Variants in EIF2AK2 observed in about 807,000 individuals in gnomAD.
The protein encoded by EIF2AK2 is interferon-induced, double-stranded RNA-activated protein kinase.
EIF2AK2 carries 40 observed loss-of-function variants against 70.5 expected under a neutral mutation model. The ratio of observed to expected loss-of-function variants is 0.57; its 90% CI spans 0.44 to 0.74. EIF2AK2 has a LOEUF of 0.74. Among genes scored for constraint, EIF2AK2 ranks in the 30% least tolerant of loss-of-function variants. EIF2AK2 has a pLI of 0.00. For synonymous variants in EIF2AK2, 198 were observed against 220.9 expected (o/e 0.90, Z 0.92); for missense variants, 555 against 644.3 (o/e 0.86, Z 1.50).
chr2:37,154,191 G>A (rs1675841458), intron 1 of EIF2AK2, among the ~76,000 whole-genome samples: 1 of 152,120 alleles, frequency 6.6e-6, no homozygotes, highest in East Asian at 1.9e-4. Context: ...CCGGGGTGGT[G>A]GCACATGCCT....
At chr2:37,153,647 G>A (rs1177517475) in intron 1 of EIF2AK2, among the ~76,000 whole-genome samples, 1 of 152,024 alleles carries the variant, frequency 6.6e-6, no homozygotes, top group Non-Finnish European at 1.5e-5. Flanking sequence ...CTATGTTGTA[G>A]CATATGTCAG....
intron 1 of EIF2AK2, 41 bp from the exon 2 acceptor site, chr2:37,149,064 G>A (rs1178412628): frequency 2.0e-6 from 2 of 993,528 alleles, no homozygotes; most frequent in Non-Finnish European, 3.3e-6. Context: ...AAATGCAACC[G>A]CTGGTTCAGA....
chr2:37,109,274 T>C lies in EIF2AK2; in HGVS notation c.1399A>G (p.Lys467Glu). ...PEQISSQDYG[K>E]EVDLYALGLI... ...CCCAAAGCGTAGAGGTCCACTTCCT[T>C]TCCATAGTCTTGCGAAGAAATCTAA... The change falls in exon 15 of 17, where the codon AAG (lysine) becomes GAG (glutamate). Residue 467 changes from lysine (K) to glutamate (E), a missense_variant. Physicochemically the swap from Lys to Glu is moderately conservative, Grantham distance 56. Coordinates refer to ENST00000233057, the MANE Select transcript of EIF2AK2 (RefSeq NM_001135651.3). 5 of 1,614,106 alleles carry C rather than the reference T, an allele frequency of 3.1e-6. No individual in the cohort carries two copies. The highest frequency in any genetic ancestry group is 4.2e-6 in the Non-Finnish European group (5 of 1,179,990).
At chr2:37,115,950 G>GT (rs1674326799) in intron 13 of EIF2AK2, among the ~76,000 whole-genome samples, 2 of 152,212 alleles carry the variant, frequency 1.3e-5, no homozygotes. Flanking sequence ...AGGATGGAGT[G>GT]TAGTGGCATG....
chr2:37,115,129 G>A (rs1674292162), intron 13 of EIF2AK2: 1 of 167,654 alleles, frequency 6.0e-6, no homozygotes. Flanking sequence ...TTCACTGCAA[G>A]CTCCGCCTCC....
rs1673862472 is a variant in EIF2AK2, at chr2:37,102,962, T to A, written c.*4311A>T. On this transcript the variant is annotated 3_prime_UTR_variant, in exon 17 of 17. Transcript: ENST00000233057. ...TGATAAAAATTCCCTAAAAGGTATG[T>A]TTCTAGGGAGGCAATTATATTAAAA... 1 of 151,962 alleles carries A rather than the reference T, an allele frequency of 6.6e-6. No homozygotes were observed. The highest frequency in any genetic ancestry group is 1.5e-5 in the Non-Finnish European group (1 of 68,018). The allele number at this position is 151,962 out of a possible 1,614,324, so 9.4% of individuals were successfully genotyped here.
chr2:37,121,262 C>CAAAAAAAAAAAAAAAAAAAAAA (rs70949733), intron 12 of EIF2AK2, among the ~76,000 whole-genome samples: 2 of 72,728 alleles, frequency 2.7e-5, no homozygotes, highest in Non-Finnish European at 4.6e-5. Context: ...GACACCGTCT[C>CAAAAAAAAAAAAAAAAAAAAAA]AAAAAAAAAA....
intron 10 of EIF2AK2, among the ~76,000 whole-genome samples, chr2:37,129,533 AGTGAGTCC>A (rs1674868341): frequency 6.6e-6 from 1 of 152,140 alleles, no homozygotes; most frequent in African/African-American, 2.4e-5. Flanking sequence ...CCCCACATCT[AGTGAGTCC>A]ACAAAACCCA....
intron 5 of EIF2AK2, among the ~76,000 whole-genome samples, chr2:37,140,038 A>AT (rs5830457): frequency 0.022 from 3,379 of 150,776 alleles, 62 homozygotes; most frequent in Non-Finnish European, 0.033. Context: ...CTAAGTGGTG[A>AT]TTTTTTTTTT....
Position 37,138,126 on chromosome 2 carries a change from A to T in EIF2AK2, c.687+144T>A, listed in dbSNP as rs1675191753. The T allele has an allele frequency of 9.1e-6, 5 of 546,884 alleles. No individual in the cohort carries two copies. The East Asian group carries it at 1.6e-4, about 18-fold the overall frequency. The allele number at this position is 546,884 out of a possible 1,614,324, so 33.9% of individuals were successfully genotyped here. ...TCCATCTCAAAAAAAAAAAAAAAAA[A>T]AGTCTACTGAGGTATTATCATTTAG... On this transcript the variant is annotated intron_variant, in intron 8 of 16. Coordinates refer to ENST00000233057, the MANE Select transcript of EIF2AK2 (RefSeq NM_001135651.3).
chr2:37,107,113 A>C lies in EIF2AK2; in HGVS notation c.*160T>G. The C allele has an allele frequency of 2.1e-6, 2 of 933,152 alleles. No individual in the cohort carries two copies. The highest frequency in any genetic ancestry group is 3.0e-6 in the Non-Finnish European group (2 of 674,836). The allele number at this position is 933,152 out of a possible 1,614,324, so 57.8% of individuals were successfully genotyped here. A position where few individuals can be genotyped will look rare whatever the true frequency, so the allele number is the denominator to read the frequency against. On this transcript the variant is annotated 3_prime_UTR_variant, in exon 17 of 17. Transcript: ENST00000233057. ...GTAAGAATGTTTTTGAAGCAAAAAG[A>C]AGAAAACCTTTCTGTTTCTGCAGAA... is the stretch of plus-strand genomic sequence containing the variant.
chr2:37,109,729 C>T (rs1055785692), intron 14 of EIF2AK2, among the ~76,000 whole-genome samples: 12 of 152,164 alleles, frequency 7.9e-5, no homozygotes, highest in Non-Finnish European at 1.5e-4. Flanking sequence ...CAATGGACTA[C>T]GACTCAGCAA....
chr2:37,152,948 C>T (rs1329282690), intron 1 of EIF2AK2, among the ~76,000 whole-genome samples: 3 of 152,284 alleles, frequency 2.0e-5, no homozygotes, highest in Non-Finnish European at 4.4e-5. Flanking sequence ...CATTTCCTCT[C>T]CCTGCCTTCT....
At chr2:37,153,176 T>C (rs1675804952) in intron 1 of EIF2AK2, among the ~76,000 whole-genome samples, 1 of 152,086 alleles carries the variant, frequency 6.6e-6, no homozygotes, top group African/African-American at 2.4e-5. Context: ...ACATGAAATG[T>C]ACTATTTTTC....
chr2:37,148,952 G>C lies in EIF2AK2; in HGVS notation c.-112C>G. On this transcript the variant is annotated 5_prime_UTR_variant, in exon 2 of 17. Coordinates refer to ENST00000233057, the MANE Select transcript of EIF2AK2 (RefSeq NM_001135651.3). ...CAGAGAAGCAAACCTGAGTCAGATG[G>C]AAGAACTGCTAAAGTTTTGAGGTCA... 1.2e-6 allele frequency: 1 copy of C among 824,992 alleles called. No individual in the cohort carries two copies. The highest frequency in any genetic ancestry group is 1.7e-5 in the African/African-American group (1 of 60,090). The allele number at this position is 824,992 out of a possible 1,614,324, so 51.1% of individuals were successfully genotyped here. A position where few individuals can be genotyped will look rare whatever the true frequency, so the allele number is the denominator to read the frequency against.
At chr2:37,132,647 T>A (rs759244115) in intron 10 of EIF2AK2, among the ~76,000 whole-genome samples, 11 of 152,234 alleles carry the variant, frequency 7.2e-5, no homozygotes, top group Admixed American at 3.3e-4. Flanking sequence ...TCTTGCACAC[T>A]AGCCATTCCC....
chr2:37,126,967 GAAAA>G (rs57802509), intron 10 of EIF2AK2, among the ~76,000 whole-genome samples: 151 of 52,138 alleles, frequency 2.9e-3, no homozygotes, highest in African/African-American at 0.01. Flanking sequence ...CAAAAAAACA[GAAAA>G]AAAAAAAAAA....
intron 10 of EIF2AK2, among the ~76,000 whole-genome samples, chr2:37,130,633 T>C (rs4670656): frequency 0.96 from 145,942 of 152,234 alleles, 70,262 homozygotes; most frequent in East Asian, 1. Context: ...TATCCCTCTA[T>C]CTTCCTCCTC....
At chr2:37,134,508 T>C (rs947566403) in intron 10 of EIF2AK2, among the ~76,000 whole-genome samples, 3 of 152,330 alleles carry the variant, frequency 2.0e-5, no homozygotes, top group African/African-American at 7.2e-5. Context: ...CCTCAACCAA[T>C]GCCTCTGGCC....
Sources: allele counts gnomAD v4.1 joint callset (sites outside exome capture counted in the v4.1 genomes callset), GRCh38; gene constraint gnomAD v4.1.1; transcripts MANE v1.5; gene names NCBI Gene and HGNC (gene_info 2026-07-23, HGNC 2026-07-21).